Variants in ARHGAP42 observed in about 807,000 individuals in gnomAD.
The protein encoded by ARHGAP42 is rho GTPase-activating protein 42.
In ARHGAP42, 63 loss-of-function variants were observed where a neutral mutation model predicts 125.0. That is an observed-to-expected ratio of 0.50 (90% CI 0.41 to 0.62). The LOEUF is 0.62. Ranked by LOEUF, ARHGAP42 falls within the 20% of genes least tolerant of loss-of-function variation. ARHGAP42 has a pLI of 0.00. For synonymous variants in ARHGAP42, 339 were observed against 351.0 expected, an observed-to-expected ratio of 0.97 and a Z score of 0.38; for missense variants, 766 against 1,024.2, an observed-to-expected ratio of 0.75 and a Z score of 3.44.
At chr11:100,988,203 G>A (rs1392949507) in intron 23 of ARHGAP42, among the ~76,000 whole-genome samples, 1 of 150,652 alleles carries the variant, frequency 6.6e-6, no homozygotes, top group Non-Finnish European at 1.5e-5. Context: ...GTACCTGTTT[G>A]TACATGTGTG....
chr11:100,837,666 C>CTATTTTTTTTTTTTTTTTTT (rs1555008871), intron 3 of ARHGAP42, among the ~76,000 whole-genome samples: 29 of 61,064 alleles, frequency 4.7e-4, no homozygotes, highest in African/African-American at 1.9e-3. Flanking sequence ...AGGTGTCATC[C>CTATTTTTTTTTTTTTTTTTT]TTTTTTTTTT....
At chr11:100,696,082 G>A (rs1482481859) in intron 1 of ARHGAP42, among the ~76,000 whole-genome samples, 5 of 152,034 alleles carry the variant, frequency 3.3e-5, no homozygotes, top group Non-Finnish European at 7.4e-5. Context: ...AAAATTAGCT[G>A]GTGTAGTGAT....
chr11:100,916,394 A>AGT (rs1867066821), intron 5 of ARHGAP42, among the ~76,000 whole-genome samples: 2 of 152,224 alleles, frequency 1.3e-5, no homozygotes, highest in Non-Finnish European at 2.9e-5. Flanking sequence ...TCTTATATAC[A>AGT]AGAAGCATTG....
At chr11:100,737,299 C>G (rs1862087042) in intron 1 of ARHGAP42, among the ~76,000 whole-genome samples, 1 of 152,134 alleles carries the variant, frequency 6.6e-6, no homozygotes, top group Non-Finnish European at 1.5e-5. Flanking sequence ...AAGCAAGTCC[C>G]TTAATCTCAC....
At chr11:100,900,801 C>A (rs1362995370) in intron 4 of ARHGAP42, among the ~76,000 whole-genome samples, 1 of 152,042 alleles carries the variant, frequency 6.6e-6, no homozygotes, top group African/African-American at 2.4e-5. Flanking sequence ...TTCTAGTTAG[C>A]CATTTGTCTA....
rs1184959434 is a variant in ARHGAP42 at position 100,943,880 on chromosome 11, T to C, written c.1043+12T>C. On this transcript the variant is annotated intron_variant, in intron 10 of 23. Coordinates refer to ENST00000298815, the MANE Select transcript of ARHGAP42 (RefSeq NM_152432.4). ...GAAGTAGTTGAAAGGTTTGAGCTGT[T>C]CTTTTCACTTTATTTTTTTCATAAG... 12 of 1,475,002 alleles carry C rather than the reference T, an allele frequency of 8.1e-6. No individual in the cohort carries two copies. The highest frequency in any genetic ancestry group is 1.1e-5 in the Non-Finnish European group (12 of 1,085,754). 91.4% of individuals were successfully genotyped at this position (1,475,002 alleles called of 1,614,324 possible).
At chr11:100,800,490 G>GCAA (rs1863825237) in intron 3 of ARHGAP42, among the ~76,000 whole-genome samples, 1 of 152,134 alleles carries the variant, frequency 6.6e-6, no homozygotes, top group Non-Finnish European at 1.5e-5. Flanking sequence ...GATGTTTTAT[G>GCAA]GACAGGATCT....
intron 22 of ARHGAP42, among the ~76,000 whole-genome samples, chr11:100,981,931 G>T (rs1196144347): frequency 1.3e-5 from 2 of 152,134 alleles, no homozygotes; most frequent in Non-Finnish European, 2.9e-5. Flanking sequence ...GAAAATTTTG[G>T]CCATAGGGTT....
chr11:100,782,457 A>C (rs891948219), intron 2 of ARHGAP42, among the ~76,000 whole-genome samples: 1 of 152,238 alleles, frequency 6.6e-6, no homozygotes, highest in African/African-American at 2.4e-5. Flanking sequence ...GAAGTGAGTT[A>C]GGAGGCAGAA....
At chr11:100,849,094 A>G (rs932140522) in intron 3 of ARHGAP42, among the ~76,000 whole-genome samples, 1 of 152,256 alleles carries the variant, frequency 6.6e-6, no homozygotes, top group Non-Finnish European at 1.5e-5. Context: ...AAAAGAGGTC[A>G]GATGTTAATG....
intron 4 of ARHGAP42, among the ~76,000 whole-genome samples, chr11:100,903,664 G>A (rs1866624994): frequency 7.4e-6 from 1 of 134,874 alleles, no homozygotes; most frequent in Admixed American, 7.9e-5. Context: ...TATTAGTCAG[G>A]GTTCTCTTAG....
At chr11:100,737,819 G>C (rs1384354943) in intron 1 of ARHGAP42, among the ~76,000 whole-genome samples, 1 of 152,202 alleles carries the variant, frequency 6.6e-6, no homozygotes, top group Non-Finnish European at 1.5e-5. Context: ...ATAAGCTGCT[G>C]GGAGAGGACT....
chr11:100,906,029 A>C (rs1866726243), intron 4 of ARHGAP42, among the ~76,000 whole-genome samples: 1 of 152,180 alleles, frequency 6.6e-6, no homozygotes, highest in Non-Finnish European at 1.5e-5. Context: ...TTTCTCCTGT[A>C]ACTCTCATCT....
At chr11:100,703,382 G>T (rs1453903482) in intron 1 of ARHGAP42, among the ~76,000 whole-genome samples, 1 of 152,156 alleles carries the variant, frequency 6.6e-6, no homozygotes, top group Admixed American at 6.5e-5. Context: ...ATATTATGAA[G>T]ATGTAGCATT....
At chr11:100,804,547 AT>A (rs769218224) in intron 3 of ARHGAP42, among the ~76,000 whole-genome samples, 2,948 of 144,588 alleles carry the variant, frequency 0.02, 34 homozygotes, top group African/African-American at 0.033. Context: ...TAATTTTTAA[AT>A]TTTTTTTTTT....
intron 1 of ARHGAP42, among the ~76,000 whole-genome samples, chr11:100,692,985 C>T (rs916434310): frequency 2.6e-5 from 4 of 152,126 alleles, no homozygotes; most frequent in Non-Finnish European, 5.9e-5. Flanking sequence ...TCAGGGCCCA[C>T]TTAGCTACTA....
rs1369696385 is a variant in ARHGAP42, at chr11:100,941,789, C to A, written c.838C>A (p.Leu280Ile). 19 of 1,506,354 alleles carry A rather than the reference C, an allele frequency of 1.3e-5. No homozygotes were observed. The highest frequency in any genetic ancestry group is 1.7e-5 in the Non-Finnish European group (19 of 1,130,436). The allele number at this position is 1,506,354 out of a possible 1,614,324, so 93.3% of individuals were successfully genotyped here. A position where few individuals can be genotyped will look rare whatever the true frequency, so the allele number is the denominator to read the frequency against. ...TTTTTGTTTCCTTACATTAGGACCGCTTGGTTTTACATGGATTAAACATTA... is the reference window on the plus strand; with the variant it reads ...TTTTTGTTTCCTTACATTAGGACCGATTGGTTTTACATGGATTAAACATTA... ...GYLYVQEKRP[L>I]GFTWIKHYCT... The change falls in exon 9 of 24, where the codon CTT becomes ATT. Residue 280 changes from leucine (L) to isoleucine (I), a missense_variant. Physicochemically the swap from Leu to Ile is conservative, Grantham distance 5. Around this residue, in one of 3 missense-constraint regions of ARHGAP42, gnomAD observed 455 missense variants for 636.5 expected, o/e 0.71. Transcript: ENST00000298815.
intron 4 of ARHGAP42, among the ~76,000 whole-genome samples, chr11:100,903,079 C>T (rs1241947134): frequency 3.6e-5 from 5 of 139,828 alleles, no homozygotes; most frequent in Admixed American, 7.5e-5. Context: ...TTCCTTGTCT[C>T]ACATCTCTTT....
intron 4 of ARHGAP42, among the ~76,000 whole-genome samples, chr11:100,870,672 A>G (rs1287690910): frequency 1.3e-5 from 2 of 152,344 alleles, no homozygotes; most frequent in Non-Finnish European, 2.9e-5. Context: ...CTTGGAAAAC[A>G]CAAACAAGTA....
Sources: allele counts gnomAD v4.1 joint callset (sites outside exome capture counted in the v4.1 genomes callset), GRCh38; gene constraint gnomAD v4.1.1; regional missense constraint gnomAD v4.1.1; transcripts MANE v1.5; gene names NCBI Gene and HGNC (gene_info 2026-07-23, HGNC 2026-07-21).